The following SCOC variants were observed in gnomAD, a reference collection of about 807,000 sequenced individuals.
SCOC encodes short coiled-coil protein, also known as short coiled coil protein.
Under a neutral mutation model 9.9 loss-of-function variants are expected in SCOC, and 7 were observed. That is an observed-to-expected ratio of 0.71 (90% CI 0.40 to 1.33). The LOEUF (loss-of-function observed/expected upper bound fraction) is 1.33. Among genes scored for constraint, SCOC ranks in the 40% most tolerant of loss-of-function variants. SCOC has a pLI of 0.01. For synonymous variants in SCOC, 19 were observed against 28.2 expected, an observed-to-expected ratio of 0.67 and a Z score of 1.03; for missense variants, 66 against 89.7, an observed-to-expected ratio of 0.74 and a Z score of 1.07.
chr4:140,364,230 A>G (rs1007958819), intron 2 of SCOC, among the ~76,000 whole-genome samples: 6 of 152,154 alleles, frequency 3.9e-5, no homozygotes, highest in African/African-American at 1.2e-4. Context: ...CGAAGTCATT[A>G]TATGACAACT....
Position 140,334,552 on chromosome 4 carries a change from C to T in SCOC, c.-18-9069C>T, listed in dbSNP as rs867727568. On this transcript the variant is annotated intron_variant, in intron 1 of 4. Transcript: ENST00000394205. ...ATTTTAATTAAAAAAACACTAATAG[C>T]GAAACTGTTTTTTTTCCTAATTTTT... Among the ~76,000 whole-genome samples the T allele has an allele frequency of 7.2e-5, 11 of 151,940 alleles. No individual in the cohort carries two copies. The Middle Eastern group carries it at 0.01, about 142-fold the overall frequency.
chr4:140,340,626 G>A (rs1162647500), upstream of SCOC, among the ~76,000 whole-genome samples: 2 of 151,958 alleles, frequency 1.3e-5, no homozygotes, highest in Middle Eastern at 3.4e-3. Context: ...AAGTATAGGA[G>A]CTAAAACTAT....
intron 1 of SCOC, among the ~76,000 whole-genome samples, chr4:140,328,057 C>T (rs12508456): frequency 0.29 from 44,489 of 152,126 alleles, 9,107 homozygotes; most frequent in African/African-American, 0.59. Flanking sequence ...CATCACCAGA[C>T]TCCTCGTGCT....
chr4:140,379,652 G>T lies in SCOC; in HGVS notation c.106G>T (p.Asp36Tyr). The change falls in exon 3 of 4, where the codon GAT (aspartate) becomes TAT (tyrosine). Residue 36 changes from aspartate to tyrosine, a missense_variant and splice_region_variant. Transcript: ENST00000608372. ...QVLELQHTLE[D>Y]LSARVDAVKE... Reference sequence around the variant, plus strand: ...GTTGGAACTCCAACACACACTTGAAGGTTGGCTTGCATTTTGTAGTTTATT... The same window carrying T: ...GTTGGAACTCCAACACACACTTGAATGTTGGCTTGCATTTTGTAGTTTATT... 6.2e-7 allele frequency: 1 copy of T among 1,601,596 alleles called. No individual in the cohort carries two copies. Among genetic ancestry groups the T allele is most frequent in the South Asian group, 1.1e-5 (1 of 89,074 alleles).
At chr4:140,277,813 G>A (rs1267383016) in intron 1 of SCOC, among the ~76,000 whole-genome samples, 1 of 152,198 alleles carries the variant, frequency 6.6e-6, no homozygotes, top group African/African-American at 2.4e-5. Flanking sequence ...CTAGGGAAAG[G>A]CCCAAATGGG....
chr4:140,324,924 C>A (rs939782795), intron 1 of SCOC, among the ~76,000 whole-genome samples: 12 of 151,968 alleles, frequency 7.9e-5, no homozygotes, highest in African/African-American at 2.7e-4. Flanking sequence ...GCTAGGATTT[C>A]AAGACTTATT....
At chr4:140,308,325 C>G (rs1017246915) in intron 1 of SCOC, among the ~76,000 whole-genome samples, 1 of 152,202 alleles carries the variant, frequency 6.6e-6, no homozygotes, top group African/African-American at 2.4e-5. Context: ...TTCCTCCACT[C>G]ATTTTCTAGG....
upstream of SCOC, among the ~76,000 whole-genome samples, chr4:140,370,457 T>C (rs1451591219): frequency 6.6e-6 from 1 of 152,206 alleles, no homozygotes; most frequent in Non-Finnish European, 1.5e-5. Context: ...CTTCGTAACT[T>C]TCAAAAATAC....
chr4:140,333,211 A>G (rs925383881), intron 1 of SCOC, among the ~76,000 whole-genome samples: 5 of 152,074 alleles, frequency 3.3e-5, no homozygotes, highest in African/African-American at 1.2e-4. Flanking sequence ...TCATTGCATC[A>G]GCCAGGCCTT....
upstream of SCOC, among the ~76,000 whole-genome samples, chr4:140,340,632 A>G (rs1726477440): frequency 6.6e-6 from 1 of 152,078 alleles, no homozygotes; most frequent in African/African-American, 2.4e-5. Flanking sequence ...AGGAGCTAAA[A>G]CTATACAACT....
chr4:140,298,502 G>A (rs1192183948), intron 1 of SCOC, among the ~76,000 whole-genome samples: 2 of 152,170 alleles, frequency 1.3e-5, no homozygotes, highest in Non-Finnish European at 2.9e-5. Flanking sequence ...AACCAACCAA[G>A]GTGGGTAAGG....
At chr4:140,288,125 A>G (rs1731351825) in intron 1 of SCOC, among the ~76,000 whole-genome samples, 1 of 152,046 alleles carries the variant, frequency 6.6e-6, no homozygotes, top group African/African-American at 2.4e-5. Flanking sequence ...GTACTCATGC[A>G]CCACACACAG....
intron 2 of SCOC, among the ~76,000 whole-genome samples, chr4:140,345,601 ATCAT>A (rs1726701290): frequency 6.6e-6 from 1 of 152,258 alleles, no homozygotes; most frequent in Admixed American, 6.5e-5. Flanking sequence ...TTTAGCAGAC[ATCAT>A]TCATTCAAAT....
At chr4:140,290,289 G>A (rs980489592) in intron 1 of SCOC, among the ~76,000 whole-genome samples, 4 of 152,204 alleles carry the variant, frequency 2.6e-5, no homozygotes, top group Non-Finnish European at 2.9e-5. Context: ...TAAAATCTCA[G>A]ACCCTTCACA....
intron 1 of SCOC, among the ~76,000 whole-genome samples, chr4:140,289,567 A>AT (rs1731407499): frequency 6.6e-6 from 1 of 152,166 alleles, no homozygotes; most frequent in Non-Finnish European, 1.5e-5. Context: ...GACAGGGCAA[A>AT]TTCGTTTTGA....
intron 1 of SCOC, among the ~76,000 whole-genome samples, chr4:140,272,160 C>T (rs1476775231): frequency 6.6e-6 from 1 of 151,776 alleles, no homozygotes; most frequent in Non-Finnish European, 1.5e-5. Context: ...GGGCTTCTCC[C>T]ACCTCAGCCC....
At chr4:140,356,497 T>C (rs910435209) in intron 2 of SCOC, among the ~76,000 whole-genome samples, 2 of 152,224 alleles carry the variant, frequency 1.3e-5, no homozygotes, top group African/African-American at 2.4e-5. Context: ...GTAGCTGTCA[T>C]GTCACCTTCA....
chr4:140,315,581 C>G (rs1732292776), intron 1 of SCOC, among the ~76,000 whole-genome samples: 1 of 152,172 alleles, frequency 6.6e-6, no homozygotes, highest in Admixed American at 6.6e-5. Flanking sequence ...GTGATTTATT[C>G]TATTAGTAGG....
intron 1 of SCOC, among the ~76,000 whole-genome samples, chr4:140,303,650 G>C (rs1731877553): frequency 6.6e-6 from 1 of 152,150 alleles, no homozygotes; most frequent in Admixed American, 6.5e-5. Context: ...GAGTTCCTCA[G>C]TTCAAAGTTC....
Sources: gnomAD v4.1 joint callset for allele counts (sites outside exome capture counted in the v4.1 genomes callset) on GRCh38, gnomAD v4.1.1 for gene constraint, MANE v1.5 for transcripts, NCBI Gene and HGNC (gene_info 2026-07-23, HGNC 2026-07-21) for gene names.